MSANTD5: variants seen among roughly 807,000 people sequenced by gnomAD.
The protein encoded by MSANTD5 is uncharacterized protein MSANTD5.
At chr5:178,694,803 G>T (rs1765393652) in exon 4 of MSANTD5, 1 of 152,184 alleles carries the variant, frequency 6.6e-6, no homozygotes, top group Non-Finnish European at 1.5e-5. Flanking sequence ...CATGTTCCAG[G>T]GCTCCCATCC....
At chr5:178,701,625 T>C (rs1002457308), upstream of MSANTD5, among the ~76,000 whole-genome samples, 2 of 149,796 alleles carry the variant, frequency 1.3e-5, no homozygotes, top group Non-Finnish European at 3.0e-5. Context: ...TGAGACAAGA[T>C]TGCGCCACTG....
In MSANTD5 at chr5:178,697,583, TG is replaced by T. The variant is rs1246498854; in HGVS notation, c.6+2del. The stretch of plus-strand genomic sequence containing the variant: ...AACAGCAAGCGGGCGCCCTTCAACT[TG>T]CCTCCATTTTTACTCCTGAGTTTTC... On this transcript the variant is annotated splice_donor_variant, in intron 1 of 3. Coordinates refer to ENST00000648368, the Ensembl canonical transcript of MSANTD5. LOFTEE classifies it high-confidence loss of function. 3.3e-5 allele frequency: 5 copies of T among 152,214 alleles called. No homozygotes were observed. The highest frequency in any genetic ancestry group is 3.3e-4 in the Admixed American group (5 of 15,278). 9.4% of individuals were successfully genotyped at this position (152,214 alleles called of 1,614,324 possible).
the MSANTD5 span, among the ~76,000 whole-genome samples, chr5:178,705,706 C>G: frequency 6.6e-6 from 1 of 152,148 alleles, no homozygotes; most frequent in East Asian, 2.0e-4. Flanking sequence ...TCTGTAATCC[C>G]CACCACTTTG....
chr5:178,692,043 G>A (rs1248274644), downstream of MSANTD5, among the ~76,000 whole-genome samples: 1 of 122,992 alleles, frequency 8.1e-6, no homozygotes, highest in African/African-American at 2.9e-5. Flanking sequence ...AGAATGACAC[G>A]GCCATCTGGT....
chr5:178,705,652 A>G, the MSANTD5 span, among the ~76,000 whole-genome samples: 1 of 151,934 alleles, frequency 6.6e-6, no homozygotes, highest in Non-Finnish European at 1.5e-5. Flanking sequence ...CGTATCCCCA[A>G]CTGCAAAATA....
At chr5:178,702,811 C>T in the MSANTD5 span, among the ~76,000 whole-genome samples, 1 of 152,086 alleles carries the variant, frequency 6.6e-6, no homozygotes, top group Non-Finnish European at 1.5e-5. Context: ...GTTGGCCAGG[C>T]TGGTCTCGAA....
chr5:178,702,521 G>A (rs933519593), upstream of MSANTD5, among the ~76,000 whole-genome samples: 5 of 151,404 alleles, frequency 3.3e-5, no homozygotes, highest in Non-Finnish European at 7.4e-5. Context: ...GGCTGGTCTC[G>A]ACCTCCTGAC....
upstream of MSANTD5, among the ~76,000 whole-genome samples, chr5:178,701,854 C>T (rs1191526833): frequency 2.0e-5 from 3 of 150,456 alleles, no homozygotes; most frequent in African/African-American, 7.3e-5. Flanking sequence ...CAACCTCAGC[C>T]TCCCGAGTAG....
At chr5:178,704,474 A>G in the MSANTD5 span, among the ~76,000 whole-genome samples, 2 of 152,204 alleles carry the variant, frequency 1.3e-5, no homozygotes, top group African/African-American at 4.8e-5. Flanking sequence ...ACCAGACACC[A>G]AATCTACCAC....
upstream of MSANTD5, among the ~76,000 whole-genome samples, chr5:178,701,026 T>G (rs982209873): frequency 6.6e-6 from 1 of 152,140 alleles, no homozygotes; most frequent in Non-Finnish European, 1.5e-5. Flanking sequence ...CAGGCTGGAG[T>G]GCAGTGGCGC....
chr5:178,699,277 A>G (rs979809924), upstream of MSANTD5, among the ~76,000 whole-genome samples: 7 of 152,146 alleles, frequency 4.6e-5, no homozygotes, highest in East Asian at 1.9e-4. Context: ...ATCACCTCCC[A>G]TTCAACTCAT....
upstream of MSANTD5, among the ~76,000 whole-genome samples, chr5:178,698,920 A>G (rs13173933): frequency 0.66 from 100,301 of 151,784 alleles, 34,823 homozygotes; most frequent in East Asian, 0.76. Context: ...AACAAACTCC[A>G]TGTGGCTTAA....
chr5:178,693,525 C>T (rs142455918), downstream of MSANTD5, among the ~76,000 whole-genome samples: 85 of 152,130 alleles, frequency 5.6e-4, 1 homozygote, highest in African/African-American at 1.4e-3. Flanking sequence ...GTACCTTCAC[C>T]GCGGGTGTTA....
At chr5:178,692,576 C>T (rs1416505434), downstream of MSANTD5, among the ~76,000 whole-genome samples, 1 of 151,988 alleles carries the variant, frequency 6.6e-6, no homozygotes, top group Non-Finnish European at 1.5e-5. Flanking sequence ...GCTTCTTCTA[C>T]ATCCACCCAG....
At chr5:178,705,165 C>T in the MSANTD5 span, among the ~76,000 whole-genome samples, 1 of 152,264 alleles carries the variant, frequency 6.6e-6, no homozygotes, top group African/African-American at 2.4e-5. Context: ...TCTCCTTCCT[C>T]AGCATCCCCA....
the MSANTD5 span, among the ~76,000 whole-genome samples, chr5:178,704,699 T>C: frequency 2.6e-4 from 39 of 152,320 alleles, no homozygotes; most frequent in Middle Eastern, 3.4e-3. Context: ...ATGTCAGAAG[T>C]GTCCCCTGAG....
upstream of MSANTD5, among the ~76,000 whole-genome samples, chr5:178,701,201 A>T (rs908518940): frequency 1.3e-5 from 2 of 151,524 alleles, no homozygotes; most frequent in Non-Finnish European, 2.9e-5. Context: ...ATGGTCTCCA[A>T]CTCTTGACCT....
the MSANTD5 span, among the ~76,000 whole-genome samples, chr5:178,706,458 T>A: frequency 1.3e-5 from 2 of 152,054 alleles, no homozygotes; most frequent in Non-Finnish European, 2.9e-5. Context: ...GTGCATTCTA[T>A]AATCTTCCAG....
At chr5:178,697,923 A>G (rs2113855144), upstream of MSANTD5, among the ~76,000 whole-genome samples, 1 of 152,360 alleles carries the variant, frequency 6.6e-6, no homozygotes, top group Middle Eastern at 3.4e-3. Flanking sequence ...AATAACTGCA[A>G]CAGGGAAATT....
Sources: allele counts gnomAD v4.1 joint callset (sites outside exome capture counted in the v4.1 genomes callset), GRCh38; gene constraint gnomAD v4.1.1; transcripts MANE v1.5; gene names NCBI Gene and HGNC (gene_info 2026-07-23, HGNC 2026-07-21).